CDH20: variants seen among roughly 807,000 people sequenced by gnomAD.
CDH20 encodes the protein cadherin 20.
CDH20 carries 29 observed loss-of-function variants against 74.2 expected under a neutral mutation model. The ratio of observed to expected loss-of-function variants is 0.39; its 90% CI spans 0.29 to 0.53. The LOEUF (loss-of-function observed/expected upper bound fraction) is 0.53. Ranked by LOEUF, CDH20 falls within the 20% of genes least tolerant of loss-of-function variation. The pLI is 0.69. For synonymous variants in CDH20, 469 were observed against 405.4 expected (o/e 1.16, Z -1.88); for missense variants, 988 against 1,048.3 (o/e 0.94, Z 0.79).
intron 1 of CDH20, among the ~76,000 whole-genome samples, chr18:61,452,164 G>T (rs1417771380): frequency 6.6e-6 from 1 of 151,990 alleles, no homozygotes; most frequent in Non-Finnish European, 1.5e-5. Flanking sequence ...TTCTTATATT[G>T]TTAAACTCTT....
intron 5 of CDH20, among the ~76,000 whole-genome samples, chr18:61,503,811 A>G (rs1263362449): frequency 6.6e-6 from 1 of 152,236 alleles, no homozygotes; most frequent in Non-Finnish European, 1.5e-5. Flanking sequence ...AGATGAATGA[A>G]GCCTCCACAG....
At chr18:61,505,815 C>A (rs1028155949) in intron 5 of CDH20, among the ~76,000 whole-genome samples, 1 of 152,158 alleles carries the variant, frequency 6.6e-6, no homozygotes, top group African/African-American at 2.4e-5. Context: ...CACACGTTAT[C>A]GCTGCTTCCT....
intron 1 of CDH20, among the ~76,000 whole-genome samples, chr18:61,417,810 T>C (rs1190135956): frequency 6.6e-6 from 1 of 152,106 alleles, no homozygotes; most frequent in Non-Finnish European, 1.5e-5. Context: ...AGAGTAGAAT[T>C]GCAGTGTTCC....
chr18:61,429,130 C>T (rs1020285987), intron 1 of CDH20, among the ~76,000 whole-genome samples: 1 of 152,082 alleles, frequency 6.6e-6, no homozygotes, highest in Non-Finnish European at 1.5e-5. Flanking sequence ...TGCAAAAAAT[C>T]ACAAGTTTTT....
chr18:61,420,059 AGTGACCTCACAATATTGTT>A (rs1398436409), intron 1 of CDH20, among the ~76,000 whole-genome samples: 1 of 152,192 alleles, frequency 6.6e-6, no homozygotes, highest in African/African-American at 2.4e-5. Flanking sequence ...ATATTTTGGT[AGTGACCTCACAATATTGTT>A]GATTTGTATT....
At chr18:61,371,835 T>C (rs1911053138) in intron 1 of CDH20, among the ~76,000 whole-genome samples, 2 of 152,072 alleles carry the variant, frequency 1.3e-5, no homozygotes, top group Non-Finnish European at 2.9e-5. Context: ...GCACTGCAAG[T>C]CAGCATCTCT....
At chr18:61,357,933 C>T (rs1910546922) in intron 1 of CDH20, among the ~76,000 whole-genome samples, 1 of 152,174 alleles carries the variant, frequency 6.6e-6, no homozygotes, top group Non-Finnish European at 1.5e-5. Flanking sequence ...TTGATTCTAG[C>T]AGTTGCTGTT....
chr18:61,501,477 A>G (rs1023325975), intron 4 of CDH20, among the ~76,000 whole-genome samples: 22 of 152,298 alleles, frequency 1.4e-4, no homozygotes, highest in African/African-American at 5.3e-4. Flanking sequence ...ATTTTATATG[A>G]GGGTAAACAT....
chr18:61,540,661 C>T (rs543808135), intron 9 of CDH20, among the ~76,000 whole-genome samples: 8 of 152,242 alleles, frequency 5.3e-5, no homozygotes, highest in African/African-American at 1.7e-4. Context: ...ATTATGGGAG[C>T]TATAATTCAA....
chr18:61,356,415 G>A (rs1910497194), intron 1 of CDH20, among the ~76,000 whole-genome samples: 1 of 152,016 alleles, frequency 6.6e-6, no homozygotes, highest in Non-Finnish European at 1.5e-5. Context: ...GTACTTATAA[G>A]TGAAATATTA....
chr18:61,344,921 T>C (rs1423551728), intron 1 of CDH20, among the ~76,000 whole-genome samples: 2 of 152,216 alleles, frequency 1.3e-5, no homozygotes, highest in Admixed American at 6.5e-5. Context: ...TTTGGTTATC[T>C]TCTGTCTTAT....
chr18:61,347,206 A>T (rs1910140591), intron 1 of CDH20, among the ~76,000 whole-genome samples: 1 of 139,644 alleles, frequency 7.2e-6, no homozygotes, highest in East Asian at 2.5e-4. Flanking sequence ...CCTAGCACTT[A>T]GGGAGGGCAG....
chr18:61,410,405 G>C (rs1425953240), intron 1 of CDH20, among the ~76,000 whole-genome samples: 1 of 152,118 alleles, frequency 6.6e-6, no homozygotes, highest in Non-Finnish European at 1.5e-5. Context: ...ATATGTACAA[G>C]TATTAGTAAG....
intron 7 of CDH20, among the ~76,000 whole-genome samples, chr18:61,530,309 T>C (rs754779578): frequency 6.6e-6 from 1 of 152,186 alleles, no homozygotes; most frequent in African/African-American, 2.4e-5. Flanking sequence ...TGGCTCTCAT[T>C]TCAAAACCCA....
At chr18:61,439,030 C>T (rs1243924888) in intron 1 of CDH20, among the ~76,000 whole-genome samples, 1 of 152,038 alleles carries the variant, frequency 6.6e-6, no homozygotes, top group Non-Finnish European at 1.5e-5. Flanking sequence ...CATGTTCTCA[C>T]AAGTGGGGGC....
chr18:61,399,680 A>G (rs183672347), intron 1 of CDH20, among the ~76,000 whole-genome samples: 68 of 152,292 alleles, frequency 4.5e-4, no homozygotes, highest in African/African-American at 1.6e-3. Context: ...TCATTCTAAT[A>G]AGTTAATATA....
intron 6 of CDH20, among the ~76,000 whole-genome samples, chr18:61,511,370 G>A (rs377437284): frequency 1.3e-5 from 2 of 151,966 alleles, no homozygotes; most frequent in African/African-American, 4.8e-5. Flanking sequence ...TTTTTGTAGA[G>A]ACAAGGTCAC....
chr18:61,501,168 A>C (rs1025916344), intron 4 of CDH20, among the ~76,000 whole-genome samples: 2 of 152,204 alleles, frequency 1.3e-5, no homozygotes, highest in Non-Finnish European at 2.9e-5. Flanking sequence ...CAGGGAGGAC[A>C]TCAGAGAGAA....
intron 1 of CDH20, among the ~76,000 whole-genome samples, chr18:61,360,207 C>T (rs1356860478): frequency 6.6e-6 from 1 of 152,108 alleles, no homozygotes; most frequent in Non-Finnish European, 1.5e-5. Context: ...GACAATTTTG[C>T]TGCTAGATGA....
Sources: allele counts gnomAD v4.1 joint callset (sites outside exome capture counted in the v4.1 genomes callset), GRCh38; gene constraint gnomAD v4.1.1; transcripts MANE v1.5; gene names NCBI Gene and HGNC (gene_info 2026-07-23, HGNC 2026-07-21).